The following TTC39B variants were observed in gnomAD, a reference collection of about 807,000 sequenced individuals.
TTC39B encodes tetratricopeptide repeat domain 39B, also known as tetratricopeptide repeat protein 39B.
TTC39B carries 92 observed loss-of-function variants against 96.6 expected under a neutral mutation model. The observed-to-expected ratio is 0.95, with a 90% CI of 0.80 to 1.13. The LOEUF (loss-of-function observed/expected upper bound fraction) is 1.13. TTC39B is among the 50% of genes most tolerant of loss of function. The probability of loss-of-function intolerance (pLI) is 0.00; values close to 1 mark genes in which losing one functional copy is unlikely to be tolerated. For missense variants in TTC39B, 955 were observed against 809.3 expected, an observed-to-expected ratio of 1.18 and a Z score of -2.18; for synonymous variants, 367 against 299.4, an observed-to-expected ratio of 1.23 and a Z score of -2.33.
At chr9:15,264,612 A>T (rs1823058023) in intron 2 of TTC39B, among the ~76,000 whole-genome samples, 1 of 148,934 alleles carries the variant, frequency 6.7e-6, no homozygotes, top group East Asian at 2.0e-4. Flanking sequence ...CTGAGATCAC[A>T]CCATTGCACT....
intron 2 of TTC39B, among the ~76,000 whole-genome samples, chr9:15,258,755 C>T (rs1270168141): frequency 1.3e-5 from 2 of 152,148 alleles, no homozygotes; most frequent in African/African-American, 4.8e-5. Flanking sequence ...ACCAGCAACA[C>T]CCCAACCACG....
chr9:15,170,128 T>C (rs1441613897), exon 20 of TTC39B: 1 of 152,252 alleles, frequency 6.6e-6, no homozygotes, highest in East Asian at 1.9e-4. Context: ...AATTTTATTT[T>C]CTATTTTGTC....
chr9:15,219,801 C>T (rs1375755292), intron 3 of TTC39B, among the ~76,000 whole-genome samples: 1 of 152,074 alleles, frequency 6.6e-6, no homozygotes, highest in Non-Finnish European at 1.5e-5. Context: ...GCAGAAAAGT[C>T]TATTCTCTCA....
intron 8 of TTC39B, 132 bp downstream of exon 8, chr9:15,199,729 C>G (rs1471112811): frequency 3.8e-6 from 1 of 266,448 alleles, no homozygotes; most frequent in Non-Finnish European, 6.3e-6. Flanking sequence ...AGTGAGACTC[C>G]GTCTCAAAAA....
rs1005327984 is a variant in TTC39B, at chr9:15,273,937, G to A, written c.241-5989C>T. Reference sequence around the variant, plus strand: ...ATTAGGTTCTACGGAATACAAACACGTGTCTACATGGCATCCACTCCTGTA... The same window carrying A: ...ATTAGGTTCTACGGAATACAAACACATGTCTACATGGCATCCACTCCTGTA... On this transcript the variant is annotated intron_variant, in intron 1 of 19. Coordinates refer to ENST00000512701, the Ensembl canonical transcript of TTC39B. 3.3e-5 allele frequency among the ~76,000 whole-genome samples: 5 copies of A among 152,168 alleles called. No homozygotes were observed. The East Asian group carries it at 7.7e-4, about 23-fold the overall frequency.
chr9:15,215,253 A>C (rs1243014769), intron 3 of TTC39B, among the ~76,000 whole-genome samples: 1 of 152,174 alleles, frequency 6.6e-6, no homozygotes, highest in Non-Finnish European at 1.5e-5. Context: ...TCTCAAAAAA[A>C]TAAAATGAGG....
intron 16 of TTC39B, among the ~76,000 whole-genome samples, chr9:15,182,733 G>A (rs944222677): frequency 3.3e-5 from 5 of 152,118 alleles, no homozygotes; most frequent in African/African-American, 1.2e-4. Context: ...TCTGTTTAAT[G>A]TAAACTTTTG....
intron 1 of TTC39B, among the ~76,000 whole-genome samples, chr9:15,287,297 G>C (rs1319677651): frequency 6.6e-6 from 1 of 152,160 alleles, no homozygotes; most frequent in Non-Finnish European, 1.5e-5. Flanking sequence ...GAAATCTATA[G>C]TGACATCTGA....
chr9:15,199,126 T>C (rs1284344471), intron 8 of TTC39B, among the ~76,000 whole-genome samples: 1 of 152,130 alleles, frequency 6.6e-6, no homozygotes, highest in Non-Finnish European at 1.5e-5. Flanking sequence ...TCTCAGTAAA[T>C]AACAGACAAC....
At chr9:15,244,379 C>T (rs1036605825) in intron 2 of TTC39B, among the ~76,000 whole-genome samples, 14 of 152,236 alleles carry the variant, frequency 9.2e-5, no homozygotes, top group Admixed American at 1.3e-4. Context: ...CAGTCACTGG[C>T]GGGCAGTGTG....
chr9:15,194,962 A>G (rs146673733), intron 8 of TTC39B, among the ~76,000 whole-genome samples: 58 of 152,362 alleles, frequency 3.8e-4, no homozygotes, highest in African/African-American at 1.3e-3. Context: ...CTCAGTGTTC[A>G]AGCGAAAGGA....
chr9:15,174,260 C>T (rs1564306935), intron 19 of TTC39B, among the ~76,000 whole-genome samples: 1 of 151,668 alleles, frequency 6.6e-6, no homozygotes, highest in Non-Finnish European at 1.5e-5. Flanking sequence ...AAAGCCTTTA[C>T]TAGTAGTGTC....
intron 1 of TTC39B, among the ~76,000 whole-genome samples, chr9:15,285,639 G>A (rs970665945): frequency 3.9e-5 from 6 of 152,192 alleles, no homozygotes; most frequent in Non-Finnish European, 7.3e-5. Context: ...CGGATCACGA[G>A]GTCAGGAGAT....
chr9:15,193,264 A>G (rs549372725), intron 8 of TTC39B, among the ~76,000 whole-genome samples: 1 of 152,338 alleles, frequency 6.6e-6, no homozygotes, highest in East Asian at 1.9e-4. Flanking sequence ...TTCTCACTTT[A>G]CTTTCTATGT....
intron 17 of TTC39B, among the ~76,000 whole-genome samples, chr9:15,181,124 G>A (rs891479278): frequency 6.6e-5 from 10 of 152,154 alleles, no homozygotes; most frequent in African/African-American, 1.4e-4. Context: ...CAACCAATGG[G>A]GGGCTGGGGG....
chr9:15,252,439 G>T (rs1486937774), intron 2 of TTC39B, among the ~76,000 whole-genome samples: 1 of 152,162 alleles, frequency 6.6e-6, no homozygotes, highest in Non-Finnish European at 1.5e-5. Context: ...ATGAGGTCAG[G>T]AGATCAAGAC....
At chr9:15,300,013 G>A (rs144716123) in intron 1 of TTC39B, among the ~76,000 whole-genome samples, 1 of 152,300 alleles carries the variant, frequency 6.6e-6, no homozygotes, top group South Asian at 2.1e-4. Context: ...AACATTTCAG[G>A]AGAATGTCTG....
chr9:15,166,687 A>G (rs1817522953), exon 20 of TTC39B: 1 of 152,118 alleles, frequency 6.6e-6, no homozygotes, highest in African/African-American at 2.4e-5. Context: ...AATAGGCAGC[A>G]GAAACAAGCA....
intron 13 of TTC39B, 151 bp from the exon 14 acceptor site, chr9:15,188,283 G>T: frequency 1.4e-6 from 1 of 727,926 alleles, no homozygotes; most frequent in Non-Finnish European, 2.0e-6. Context: ...TTCCTTACAG[G>T]CAATGATACA....
Sources: gnomAD v4.1 joint callset for allele counts (sites outside exome capture counted in the v4.1 genomes callset) on GRCh38, gnomAD v4.1.1 for gene constraint, MANE v1.5 for transcripts, NCBI Gene and HGNC (gene_info 2026-07-23, HGNC 2026-07-21) for gene names.